AFM: variants seen among roughly 807,000 people sequenced by gnomAD.
AFM encodes the protein afamin, also known as alpha-Alb.
In AFM, 82 loss-of-function variants were observed where a neutral mutation model predicts 68.7. That is an observed-to-expected ratio of 1.19 (90% CI 1.00 to 1.43). The LOEUF is 1.43. Ranked by LOEUF, AFM falls within the 40% of genes most tolerant of loss-of-function variation. The pLI, the probability that AFM is intolerant of heterozygous loss-of-function variation, is 0.00. For missense variants in AFM, 772 were observed against 701.8 expected, an observed-to-expected ratio of 1.10 and a Z score of -1.13; for synonymous variants, 250 against 234.2, an observed-to-expected ratio of 1.07 and a Z score of -0.61.
In AFM at chr4:73,486,089, G is replaced by A. The variant is rs1560409026; in HGVS notation, c.482+16G>A. The A allele has an allele frequency of 6.3e-7, 1 of 1,595,606 alleles. No homozygotes were observed. The highest frequency in any genetic ancestry group is 8.6e-7 in the Non-Finnish European group (1 of 1,164,862). ...TTTTAAATCAGTAAGTTTAATCTTA[G>A]TAAAAAATGATCCAGTTGAAGAATT... On this transcript the variant is annotated intron_variant, in intron 4 of 14. Coordinates refer to ENST00000226355, the MANE Select transcript of AFM (RefSeq NM_001133.2).
At position 73,487,026 on chromosome 4, in the gene AFM, T is replaced by C; in HGVS notation, c.542T>C (p.Val181Ala). The C allele has an allele frequency of 6.2e-7, 1 of 1,614,042 alleles. No individual in the cohort carries two copies. Among genetic ancestry groups the C allele is most frequent in the Non-Finnish European group, 8.5e-7 (1 of 1,179,982 alleles). Residue 181 changes from valine to alanine, a missense_variant, in exon 5 of 15, where the codon GTT becomes GCT. Coordinates refer to ENST00000226355, the MANE Select transcript of AFM (RefSeq NM_001133.2). Reference protein sequence around the residue: ...PFVFAPTLLTVAVHFEEVAKS... With the variant: ...PFVFAPTLLTAAVHFEEVAKS... ...GTCTTCGCCCCTACACTTCTAACTG[T>C]TGCTGTTCATTTTGAGGAGGTGGCC...
chr4:73,500,281 T>C, intron 12 of AFM, 54 bp downstream of exon 12: 2 of 1,446,828 alleles, frequency 1.4e-6, no homozygotes, highest in Non-Finnish European at 1.9e-6. Context: ...ACACACCATG[T>C]ATTAGTGAGA....
chr4:73,486,742 C>G (rs935247134), intron 4 of AFM, among the ~76,000 whole-genome samples: 1 of 152,180 alleles, frequency 6.6e-6, no homozygotes, highest in Non-Finnish European at 1.5e-5. Flanking sequence ...TCAAAGGACT[C>G]TTATCGGGAA....
intron 8 of AFM, among the ~76,000 whole-genome samples, chr4:73,492,506 GGC>G (rs1383317172): frequency 2.0e-5 from 3 of 152,124 alleles, no homozygotes; most frequent in African/African-American, 7.2e-5. Context: ...GCAAGTTGCA[GGC>G]TTAACTGCTA....
At chr4:73,484,478 CTTTCTTTCTTT>C (rs1720821574) in intron 3 of AFM, 88 bp downstream of exon 3, 9 of 624,432 alleles carry the variant, frequency 1.4e-5, no homozygotes, top group Non-Finnish European at 2.2e-5. Context: ...TTCTTTCTTT[CTTTCTTTCTTT>C]CTTTCTTTCT....
At chr4:73,495,233 A>G (rs1577978757) in intron 8 of AFM, 67 bp from the exon 9 acceptor site, 2 of 1,455,922 alleles carry the variant, frequency 1.4e-6, no homozygotes, top group South Asian at 1.4e-5. Flanking sequence ...ACTGGATTAC[A>G]AAATAGTGGA....
intron 11 of AFM, 120 bp from the exon 12 acceptor site, chr4:73,499,884 T>C (rs1248676475): frequency 1.3e-6 from 1 of 796,746 alleles, no homozygotes; most frequent in African/African-American, 1.7e-5. Flanking sequence ...TGAGTGCATG[T>C]GTTTTATGAG....
chr4:73,500,543 G>A (rs1187809103), intron 12 of AFM, among the ~76,000 whole-genome samples: 2 of 152,086 alleles, frequency 1.3e-5, no homozygotes, highest in Admixed American at 6.6e-5. Flanking sequence ...GGGAATGCCC[G>A]GAGAATATCA....
At chr4:73,486,187 C>A in intron 4 of AFM, 114 bp downstream of exon 4, 1 of 900,608 alleles carries the variant, frequency 1.1e-6, no homozygotes, top group Non-Finnish European at 1.7e-6. Flanking sequence ...TTAATTGTTT[C>A]ATTCATTCAA....
chr4:73,498,930 T>C (rs1233963709), intron 10 of AFM, among the ~76,000 whole-genome samples, 184 bp from the exon 11 acceptor site: 2 of 152,084 alleles, frequency 1.3e-5, no homozygotes, highest in Non-Finnish European at 2.9e-5. Flanking sequence ...AAAATAGATA[T>C]AGGAAGCAGG....
At chr4:73,495,000 A>G in intron 8 of AFM, 1 of 190,914 alleles carries the variant, frequency 5.2e-6, no homozygotes, top group Non-Finnish European at 1.1e-5. Flanking sequence ...TATATTCACA[A>G]TTTATTATTT....
intron 4 of AFM, 30 bp from the exon 5 acceptor site, chr4:73,486,937 T>C (rs759397379): frequency 2.2e-5 from 36 of 1,603,314 alleles, no homozygotes; most frequent in Non-Finnish European, 2.9e-5. Flanking sequence ...CCCTCACCCG[T>C]CTTCTCTCTT....
At chr4:73,486,875 C>T in intron 4 of AFM, 92 bp from the exon 5 acceptor site, 1 of 1,086,748 alleles carries the variant, frequency 9.2e-7, no homozygotes, top group Admixed American at 2.4e-5. Flanking sequence ...ATCTTACCCT[C>T]CCTTCCCTTC....
At chr4:73,497,310 A>G (rs1017185258) in intron 9 of AFM, among the ~76,000 whole-genome samples, 8 of 152,208 alleles carry the variant, frequency 5.3e-5, no homozygotes, top group African/African-American at 1.9e-4. Context: ...TTACTTAAAA[A>G]TGGAGATAAC....
chr4:73,489,786 A>C (rs1193564631), intron 7 of AFM, among the ~76,000 whole-genome samples: 1 of 152,230 alleles, frequency 6.6e-6, no homozygotes, highest in African/African-American at 2.4e-5. Flanking sequence ...ACACATGGAC[A>C]CAGGGAGGGG....
chr4:73,503,233 T>C, intron 14 of AFM, 123 bp downstream of exon 14: 5 of 735,940 alleles, frequency 6.8e-6, no homozygotes, highest in Non-Finnish European at 1.1e-5. Flanking sequence ...GAAATGCACA[T>C]GTAGCTAACA....
intron 7 of AFM, among the ~76,000 whole-genome samples, chr4:73,490,248 A>C (rs1195209687): frequency 6.6e-6 from 1 of 152,140 alleles, no homozygotes; most frequent in African/African-American, 2.4e-5. Context: ...TGAAGATAGC[A>C]TGTCAATTAA....
intron 1 of AFM, 50 bp downstream of exon 1, chr4:73,481,913 T>A: frequency 7.6e-7 from 1 of 1,317,244 alleles, no homozygotes; most frequent in Non-Finnish European, 1.1e-6. Flanking sequence ...TTAGGATAAT[T>A]TCTATTTTTA....
rs557868482 is a variant in AFM, at chr4:73,493,307, A to G, written c.1058+1221A>G. Among the ~76,000 whole-genome samples the G allele has an allele frequency of 1.7e-3, 263 of 152,336 alleles. 1 individual carries two copies. Among genetic ancestry groups the G allele is most frequent in the African/African-American group, 5.7e-3 (239 of 41,588 alleles). On this transcript the variant is annotated intron_variant, in intron 8 of 14. Transcript: ENST00000226355. ...TTCAGTTTTTAGAAACCTCATCTGA[A>G]GAAAATCCCAGTTTGGGGCTTGGAT...
Sources: allele counts gnomAD v4.1 joint callset (sites outside exome capture counted in the v4.1 genomes callset), GRCh38; gene constraint gnomAD v4.1.1; transcripts MANE v1.5; gene names NCBI Gene and HGNC (gene_info 2026-07-23, HGNC 2026-07-21).